Variants in COL6A2 observed in about 807,000 individuals in gnomAD.
COL6A2 encodes the protein collagen type VI alpha 2 chain.
A neutral mutation model predicts 124.9 loss-of-function variants in COL6A2; 90 were observed. The ratio of observed to expected loss-of-function variants is 0.72; its 90% CI spans 0.61 to 0.86. The LOEUF (loss-of-function observed/expected upper bound fraction) is 0.86, where lower values mean the gene tolerates loss of function less well. Ranked by LOEUF, COL6A2 falls within the 40% of genes least tolerant of loss-of-function variation. COL6A2 has a pLI of 0.00. For synonymous variants in COL6A2, 793 were observed against 618.2 expected (o/e 1.28, Z -4.19); for missense variants, 1,607 against 1,502.5 (o/e 1.07, Z -1.15).
Position 46,120,520 on chromosome 21 carries a change from C to T in COL6A2, c.1338C>T (p.Asp446=). ...CCTCCCTTCCCTTCCCACAGGGGGA[C>T]CCTGGCCCTGAGGGGCCCCGCGGCC... The part of the protein sequence containing the change: ...GSDGPKGEKG[D]PGPEGPRGLA... Residue 446 remains aspartate (D), a synonymous_variant, in exon 16 of 28, where the codon GAC becomes GAT. Coordinates refer to ENST00000300527, the MANE Select transcript of COL6A2 (RefSeq NM_001849.4). 1.3e-6 allele frequency: 2 copies of T among 1,501,962 alleles called. No homozygotes were observed. Among genetic ancestry groups the T allele is most frequent in the Non-Finnish European group, 1.8e-6 (2 of 1,128,564 alleles). 93.0% of individuals were successfully genotyped at this position (1,501,962 alleles called of 1,614,324 possible).
intron 16 of COL6A2, 70 bp downstream of exon 16, chr21:46,120,647 G>A (rs776335127): frequency 7.3e-7 from 1 of 1,378,326 alleles, no homozygotes; most frequent in African/African-American, 1.5e-5. Flanking sequence ...TGCACCCCAA[G>A]GTAGGGTGGC....
chr21:46,125,184 CG>C, intron 23 of COL6A2, 81 bp from the exon 24 acceptor site: 1 of 1,376,340 alleles, frequency 7.3e-7, no homozygotes, highest in South Asian at 1.2e-5. Context: ...TGGAATGTCC[CG>C]GGACCCCCAG....
At chr21:46,129,731 A>T (rs2078735652) in intron 27 of COL6A2, 10 of 1,384,948 alleles carry the variant, frequency 7.2e-6, no homozygotes, top group Non-Finnish European at 9.3e-6. Context: ...CGCTCTCTTT[A>T]TAAGAACCCT....
intron 5 of COL6A2, among the ~76,000 whole-genome samples, chr21:46,114,613 CAAGT>C (rs1038344039): frequency 1.6e-4 from 25 of 152,110 alleles, no homozygotes; most frequent in African/African-American, 6.0e-4. Context: ...CAAGCATATT[CAAGT>C]AAGTAAAATG....
intron 27 of COL6A2, among the ~76,000 whole-genome samples, chr21:46,131,586 C>G (rs980923406): frequency 5.3e-5 from 8 of 152,198 alleles, no homozygotes; most frequent in African/African-American, 1.4e-4. Flanking sequence ...CCACACTACA[C>G]AGACAGTGGC....
At chr21:46,117,743 C>T (rs2078495129) in intron 11 of COL6A2, 131 bp from the exon 12 acceptor site, 13 of 868,728 alleles carry the variant, frequency 1.5e-5, no homozygotes, top group South Asian at 1.3e-4. Context: ...GCCTCTTGGT[C>T]ACTGAGCCTG....
Position 46,122,481 on chromosome 21 carries a change from C to CTGTT in COL6A2, c.1573-12_1573-9dup. On this transcript the variant is annotated splice_polypyrimidine_tract_variant and intron_variant, in intron 19 of 27. Coordinates refer to ENST00000300527, the MANE Select transcript of COL6A2 (RefSeq NM_001849.4). ...ATCTGAGGCTGAGTCACCCTGGCTT[C>CTGTT]TGTTTGCTTCACAGGGAGAAAAAGG... The CTGTT allele has an allele frequency of 1.9e-6, 3 of 1,612,856 alleles. No individual in the cohort carries two copies. The highest frequency in any genetic ancestry group is 2.5e-6 in the Non-Finnish European group (3 of 1,179,984).
chr21:46,123,980 G>A lies in COL6A2; in HGVS notation c.1672-671G>A, dbSNP rs562247535. The stretch of plus-strand genomic sequence containing the variant: ...GGATAGATGGGTATGTGAGTGAGTG[G>A]GGGGATGGGTAGGTGGGTGGATGGA... On this transcript the variant is annotated intron_variant, in intron 21 of 27. Transcript: ENST00000300527. Among the ~76,000 whole-genome samples, 31 of 148,702 alleles carry A rather than the reference G, an allele frequency of 2.1e-4. No homozygotes were observed. The East Asian group carries it at 6.0e-3, about 29-fold the overall frequency.
chr21:46,115,374 T>C (rs1308201525), intron 5 of COL6A2, among the ~76,000 whole-genome samples: 1 of 152,258 alleles, frequency 6.6e-6, no homozygotes, highest in East Asian at 1.9e-4. Context: ...TGGGAGCATA[T>C]CAATAAATAG....
intron 5 of COL6A2, among the ~76,000 whole-genome samples, chr21:46,114,542 T>C (rs1188266961): frequency 1.3e-5 from 2 of 152,144 alleles, no homozygotes; most frequent in East Asian, 3.8e-4. Flanking sequence ...TTTTAAATAG[T>C]ATATTGAGAA....
chr21:46,132,736 G>A lies in COL6A2; in HGVS notation c.*184G>A. On this transcript the variant is annotated 3_prime_UTR_variant, in exon 28 of 28. Transcript: ENST00000300527. ...CCCCGCCCAGCCCCAGGTCTCCCCA[G>A]GCCCTCCGCAGGCTGCCCGGCCTCC... is the stretch of plus-strand genomic sequence containing the variant. 2 of 635,120 alleles carry A rather than the reference G, an allele frequency of 3.1e-6. No individual in the cohort carries two copies. Among genetic ancestry groups the A allele is most frequent in the East Asian group, 2.8e-5 (1 of 35,732 alleles). 39.3% of individuals were successfully genotyped at this position (635,120 alleles called of 1,614,324 possible). A position where few individuals can be genotyped will look rare whatever the true frequency, so the allele number is the denominator to read the frequency against.
chr21:46,126,459 A>AGGGACTGACCC (rs752595663), intron 26 of COL6A2, 44 bp from the exon 27 acceptor site: 19 of 1,601,890 alleles, frequency 1.2e-5, no homozygotes, highest in Non-Finnish European at 1.6e-5. Flanking sequence ...AGGGTTCGCT[A>AGGGACTGACCC]GGGACTGACC....
chr21:46,103,870 G>C (rs922658481), intron 1 of COL6A2, among the ~76,000 whole-genome samples: 7 of 152,176 alleles, frequency 4.6e-5, no homozygotes, highest in African/African-American at 1.7e-4. Flanking sequence ...GATTTAAAGG[G>C]CTGGCACCCT....
At chr21:46,102,467 T>C (rs1240022916) in intron 1 of COL6A2, among the ~76,000 whole-genome samples, 1 of 152,188 alleles carries the variant, frequency 6.6e-6, no homozygotes, top group Non-Finnish European at 1.5e-5. Flanking sequence ...TTCCTTTATT[T>C]CTGACCTTAG....
intron 1 of COL6A2, among the ~76,000 whole-genome samples, chr21:46,103,165 G>A (rs182827015): frequency 2.0e-5 from 3 of 152,132 alleles, no homozygotes; most frequent in Non-Finnish European, 2.9e-5. Context: ...TTGTCTGTCT[G>A]GAAATTTTTC....
At chr21:46,131,918 C>CT in intron 27 of COL6A2, 36 bp from the exon 28 acceptor site, 3 of 1,546,566 alleles carry the variant, frequency 1.9e-6, no homozygotes, top group Non-Finnish European at 2.6e-6. Context: ...CTGCCCACCT[C>CT]CCCTCCGCCC....
At chr21:46,123,241 T>C (rs1264946974) in intron 21 of COL6A2, among the ~76,000 whole-genome samples, 1 of 66,674 alleles carries the variant, frequency 1.5e-5, no homozygotes, top group Non-Finnish European at 2.6e-5. Context: ...GCATCCCCAC[T>C]ACAGCATCCC....
At chr21:46,113,268 G>C (rs2078429308) in intron 4 of COL6A2, among the ~76,000 whole-genome samples, 1 of 152,168 alleles carries the variant, frequency 6.6e-6, no homozygotes, top group African/African-American at 2.4e-5. Context: ...GCAAAAACGT[G>C]CCCTGCCTCA....
At position 46,116,123 on chromosome 21, in the gene COL6A2, C is replaced by A; in HGVS notation, c.900+70C>A. On this transcript the variant is annotated intron_variant, in intron 7 of 27. Coordinates refer to ENST00000300527, the MANE Select transcript of COL6A2 (RefSeq NM_001849.4). This position sits in a 1 kb window ranked among gnomAD's most constrained non-coding sequence, Gnocchi z 4.6. ...GCACTGCCAGGCAGGCTCCCCCCAGCCCAGCCTCGGCCTCAGCCTCTACGA... is the reference window on the plus strand; with the variant it reads ...GCACTGCCAGGCAGGCTCCCCCCAGACCAGCCTCGGCCTCAGCCTCTACGA... The A allele has an allele frequency of 6.7e-7, 1 of 1,490,440 alleles. No homozygotes were observed. Among genetic ancestry groups the A allele is most frequent in the Non-Finnish European group, 9.2e-7 (1 of 1,092,690 alleles). The allele number at this position is 1,490,440 out of a possible 1,614,324, so 92.3% of individuals were successfully genotyped here. A position where few individuals can be genotyped will look rare whatever the true frequency, so the allele number is the denominator to read the frequency against.
Sources: gnomAD v4.1 joint callset for allele counts (sites outside exome capture counted in the v4.1 genomes callset) on GRCh38, gnomAD v4.1.1 for gene constraint, Gnocchi (gnomAD v3.1) non-coding constraint, MANE v1.5 for transcripts, NCBI Gene and HGNC (gene_info 2026-07-23, HGNC 2026-07-21) for gene names.